The following ZBTB25 variants were observed in gnomAD, a reference collection of about 807,000 sequenced individuals.
The protein encoded by ZBTB25 is zinc finger and BTB domain containing 25, also known as zinc finger and BTB domain-containing protein 25.
A neutral mutation model predicts 34.2 loss-of-function variants in ZBTB25; 20 were observed. That is an observed-to-expected ratio of 0.58 (90% CI 0.41 to 0.85). ZBTB25 has a LOEUF of 0.85. Ranked by LOEUF, ZBTB25 falls within the 40% of genes least tolerant of loss-of-function variation. The pLI is 0.00. For missense variants in ZBTB25, 437 were observed against 521.8 expected (o/e 0.84, Z 1.58); for synonymous variants, 175 against 186.4 (o/e 0.94, Z 0.50).
At chr14:64,458,549 A>T (rs2140994060) in intron 2 of ZBTB25, 1 of 529,712 alleles carries the variant, frequency 1.9e-6, no homozygotes. Context: ...TTGACAGTGT[A>T]GGGGAGAAAA....
chr14:64,464,000 G>A (rs1050485715), intron 2 of ZBTB25, among the ~76,000 whole-genome samples: 2 of 152,000 alleles, frequency 1.3e-5, no homozygotes, highest in Non-Finnish European at 2.9e-5. Flanking sequence ...AGACCATTTC[G>A]ATAGACGTGT....
At chr14:64,471,524 T>C (rs1233928311) in intron 2 of ZBTB25, 1 of 167,098 alleles carries the variant, frequency 6.0e-6, no homozygotes, top group South Asian at 2.1e-4. Flanking sequence ...ATTTACATAT[T>C]GAAAGGGAAG....
chr14:64,493,857 AAG>A (rs1269445750), intron 1 of ZBTB25, among the ~76,000 whole-genome samples: 10 of 145,260 alleles, frequency 6.9e-5, no homozygotes, highest in Non-Finnish European at 7.8e-5. Flanking sequence ...AAAAAAAAAA[AAG>A]AAGAAGAAGA....
At chr14:64,459,435 T>C (rs558052839) in intron 2 of ZBTB25, among the ~76,000 whole-genome samples, 1 of 152,278 alleles carries the variant, frequency 6.6e-6, no homozygotes, top group South Asian at 2.1e-4. Flanking sequence ...CTTGCATTAT[T>C]TGAGAAAGTT....
Position 64,486,841 on chromosome 14 carries a change from G to A in ZBTB25, c.*82C>T. ...AAGAAAAAAAGTCAATGAAACTTGA[G>A]GAGGAAAATAATTTATGAATTAAAA... On this transcript the variant is annotated 3_prime_UTR_variant, in exon 3 of 3. Transcript: ENST00000608382. 3 of 1,476,654 alleles carry A rather than the reference G, an allele frequency of 2.0e-6. No individual in the cohort carries two copies. Among genetic ancestry groups the A allele is most frequent in the Non-Finnish European group, 2.7e-6 (3 of 1,117,018 alleles). 91.5% of individuals were successfully genotyped at this position (1,476,654 alleles called of 1,614,324 possible). A position where few individuals can be genotyped will look rare whatever the true frequency, so the allele number is the denominator to read the frequency against.
In ZBTB25 at chr14:64,490,395, T is replaced by C; in HGVS notation, c.139A>G (p.Asn47Asp). 1 of 1,607,534 alleles carries C rather than the reference T, an allele frequency of 6.2e-7. No homozygotes were observed. The highest frequency in any genetic ancestry group is 8.5e-7 in the Non-Finnish European group (1 of 1,176,030). Reference sequence around the variant, plus strand: ...TGAATAAATATCATCTTGAAATAGTTAGAAAAAGCAGCAAGCACTGCTCTG... The same window carrying C: ...TGAATAAATATCATCTTGAAATAGTCAGAAAAAGCAGCAAGCACTGCTCTG... The part of the protein sequence containing the change: ...AHRAVLAAFS[N>D]YFKMIFIHQT... Residue 47 changes from asparagine to aspartate, a missense_variant, in exon 2 of 3, where the codon AAC becomes GAC. Coordinates refer to ENST00000608382, the MANE Select transcript of ZBTB25 (RefSeq NM_006977.5).
At chr14:64,504,066 G>A (rs1317349352), upstream of ZBTB25, 1 of 152,348 alleles carries the variant, frequency 6.6e-6, no homozygotes, top group African/African-American at 2.4e-5. Flanking sequence ...CAAAAGCACA[G>A]GCACCCCCTC....
At chr14:64,490,243 A>T (rs999908209) in intron 2 of ZBTB25, 118 bp downstream of exon 2, 2 of 378,342 alleles carry the variant, frequency 5.3e-6, no homozygotes, top group Non-Finnish European at 8.3e-6. Context: ...AAAAAAAAAA[A>T]ATTATAATTT....
intron 1 of ZBTB25, among the ~76,000 whole-genome samples, chr14:64,501,741 C>T (rs1029737324): frequency 1.3e-5 from 2 of 152,192 alleles, no homozygotes; most frequent in Non-Finnish European, 2.9e-5. Context: ...CCCAGCACAG[C>T]CCTGGCCAGG....
Position 64,486,809 on chromosome 14 carries a change from A to G in ZBTB25, c.*114T>C, listed in dbSNP as rs1000335895. 4.6e-5 allele frequency: 67 copies of G among 1,442,714 alleles called. No homozygotes were observed. In the East Asian group the frequency reaches 1.5e-3, roughly 33 times the overall value. The allele number at this position is 1,442,714 out of a possible 1,614,324, so 89.4% of individuals were successfully genotyped here. ...ATATACAACCTTAAAACCATGGATA[A>G]GCTGTGAAGAAAAAAAGTCAATGAA... On this transcript the variant is annotated 3_prime_UTR_variant, in exon 3 of 3. Coordinates refer to ENST00000608382, the MANE Select transcript of ZBTB25 (RefSeq NM_006977.5).
At position 64,485,626 on chromosome 14, in the gene ZBTB25, A is replaced by G; in HGVS notation, c.*1297T>C. 1.0e-6 allele frequency: 1 copy of G among 985,408 alleles called. No individual in the cohort carries two copies. The highest frequency in any genetic ancestry group is 4.7e-5 in the South Asian group (1 of 21,280). The allele number at this position is 985,408 out of a possible 1,614,324, so 61.0% of individuals were successfully genotyped here. A position where few individuals can be genotyped will look rare whatever the true frequency, so the allele number is the denominator to read the frequency against. On this transcript the variant is annotated 3_prime_UTR_variant, in exon 3 of 3. Transcript: ENST00000608382. ...CATGGATCTTAAATGTAGTTATAGA[A>G]CACTGAATGTATCCACTTTGCTGGT... is the stretch of plus-strand genomic sequence containing the variant.
chr14:64,459,669 T>C, intron 2 of ZBTB25: 1 of 1,112,594 alleles, frequency 9.0e-7, no homozygotes, highest in Non-Finnish European at 1.3e-6. Flanking sequence ...GCTTTGGCAA[T>C]GTGAGTGGGT....
At chr14:64,499,048 A>G (rs573845928) in intron 1 of ZBTB25, among the ~76,000 whole-genome samples, 3 of 152,294 alleles carry the variant, frequency 2.0e-5, no homozygotes, top group African/African-American at 7.2e-5. Flanking sequence ...TTCACACTCT[A>G]CAATTACATT....
intron 1 of ZBTB25, 50 bp from the exon 2 acceptor site, chr14:64,490,590 A>T: frequency 2.1e-6 from 3 of 1,408,460 alleles, no homozygotes; most frequent in South Asian, 3.5e-5. Flanking sequence ...GTATATACGC[A>T]TTATTTTTTA....
At position 64,451,101 on chromosome 14, in the gene ZBTB25, G is replaced by A. The variant is rs138196652; in HGVS notation, c.174-1463C>T. On this transcript the variant is annotated intron_variant, in intron 2 of 2. Transcript: ENST00000555220. ...GGAGAATCGCTTGAACCCGGGAGGC[G>A]GACGTTGCAATGAGCTGAGATCACT... 6.4e-3 allele frequency among the ~76,000 whole-genome samples: 973 copies of A among 152,182 alleles called. 4 individuals carry two copies. Among genetic ancestry groups the A allele is most frequent in the Non-Finnish European group, 0.01 (685 of 68,000 alleles).
chr14:64,480,212 A>C lies in ZBTB25; in HGVS notation c.*6711T>G, dbSNP rs2078765913. On this transcript the variant is annotated 3_prime_UTR_variant, in exon 3 of 3. Coordinates refer to ENST00000608382, the MANE Select transcript of ZBTB25 (RefSeq NM_006977.5). ...GTGGTGGGAACCTGTAATCTCAGCT[A>C]CTCGGGAGGCTGAGGCAGGAGAATA... 3.9e-6 allele frequency: 1 copy of C among 253,474 alleles called. No homozygotes were observed. The allele number at this position is 253,474 out of a possible 1,614,324, so 15.7% of individuals were successfully genotyped here. A position where few individuals can be genotyped will look rare whatever the true frequency, so the allele number is the denominator to read the frequency against.
At chr14:64,501,085 TA>T (rs1462106176) in intron 1 of ZBTB25, among the ~76,000 whole-genome samples, 2 of 152,062 alleles carry the variant, frequency 1.3e-5, no homozygotes, top group African/African-American at 2.4e-5. Flanking sequence ...CCCAGAAGTA[TA>T]AAAAAATTTA....
intron 1 of ZBTB25, chr14:64,503,308 C>T (rs927470331): frequency 1.0e-6 from 1 of 985,282 alleles, no homozygotes; most frequent in Admixed American, 6.1e-5. Flanking sequence ...CGGCGCTACC[C>T]GAGGGAGGCC....
chr14:64,503,510 C>G, intron 1 of ZBTB25, 151 bp downstream of exon 1: 1 of 985,422 alleles, frequency 1.0e-6, no homozygotes, highest in African/African-American at 1.7e-5. Flanking sequence ...TGTGCCCTGC[C>G]TGACATCTCA....
Sources: allele counts gnomAD v4.1 joint callset (sites outside exome capture counted in the v4.1 genomes callset), GRCh38; gene constraint gnomAD v4.1.1; transcripts MANE v1.5; gene names NCBI Gene and HGNC (gene_info 2026-07-23, HGNC 2026-07-21).